Variants in CCDC171 observed in about 807,000 individuals in gnomAD.
CCDC171 encodes coiled-coil domain containing 171, also known as coiled-coil domain-containing protein 171.
CCDC171 carries 177 observed loss-of-function variants against 168.2 expected under a neutral mutation model. That is an observed-to-expected ratio of 1.05 (90% CI 0.93 to 1.19). CCDC171 has a LOEUF of 1.19. CCDC171 is among the 50% of genes most tolerant of loss of function. The pLI, the probability that CCDC171 is intolerant of heterozygous loss-of-function variation, is 0.00. For missense variants in CCDC171, 1,991 were observed against 1,539.0 expected (o/e 1.29, Z -4.91); for synonymous variants, 687 against 540.8 (o/e 1.27, Z -3.75).
intron 1 of CCDC171, among the ~76,000 whole-genome samples, chr9:16,047,903 G>A (rs1833686572): frequency 6.6e-6 from 1 of 152,182 alleles, no homozygotes; most frequent in Admixed American, 6.5e-5. Context: ...GGACACTCAT[G>A]GAAGAGCTCT....
At chr9:15,693,363 C>A (rs1422444662) in intron 10 of CCDC171, among the ~76,000 whole-genome samples, 2 of 152,040 alleles carry the variant, frequency 1.3e-5, no homozygotes, top group African/African-American at 2.4e-5. Context: ...GTGGATGAAT[C>A]CTAATTGATT....
At chr9:16,012,409 G>A (rs1289233666) in intron 3 of CCDC171, among the ~76,000 whole-genome samples, 1 of 152,082 alleles carries the variant, frequency 6.6e-6, no homozygotes, top group Admixed American at 6.6e-5. Flanking sequence ...TTCTTTGGTT[G>A]GTCAGAGGTT....
intron 9 of CCDC171, among the ~76,000 whole-genome samples, chr9:15,667,916 C>A (rs924607342): frequency 3.9e-5 from 6 of 152,056 alleles, no homozygotes; most frequent in Admixed American, 1.3e-4. Flanking sequence ...ACTTATTTAT[C>A]CTTTATGTTC....
intron 25 of CCDC171, among the ~76,000 whole-genome samples, chr9:15,963,861 A>G (rs1215807545): frequency 1.3e-5 from 2 of 152,180 alleles, no homozygotes; most frequent in African/African-American, 4.8e-5. Context: ...AACAAGCTAC[A>G]TTTCTCAGAC....
At chr9:15,605,535 A>AT (rs2043160654) in intron 6 of CCDC171, among the ~76,000 whole-genome samples, 1 of 150,538 alleles carries the variant, frequency 6.6e-6, no homozygotes, top group African/African-American at 2.4e-5. Context: ...AAAAAAAAAA[A>AT]AATTAGCCGG....
intron 25 of CCDC171, among the ~76,000 whole-genome samples, chr9:15,965,226 A>G (rs1414904622): frequency 6.6e-5 from 10 of 152,220 alleles, no homozygotes; most frequent in Non-Finnish European, 1.2e-4. Flanking sequence ...CAAATGTTAG[A>G]CCACAATAAA....
chr9:16,097,570 C>T, the CCDC171 span, among the ~76,000 whole-genome samples: 1 of 152,188 alleles, frequency 6.6e-6, no homozygotes, highest in Admixed American at 6.5e-5. Context: ...GAGCTGAACA[C>T]AACCTTTTGG....
At chr9:15,748,601 C>A (rs1027456668) in intron 18 of CCDC171, among the ~76,000 whole-genome samples, 5 of 152,166 alleles carry the variant, frequency 3.3e-5, no homozygotes, top group Non-Finnish European at 5.9e-5. Flanking sequence ...CAAAGGGAAG[C>A]CCATCAGACT....
chr9:16,044,464 T>C (rs1833622552), intron 1 of CCDC171, among the ~76,000 whole-genome samples: 1 of 149,018 alleles, frequency 6.7e-6, no homozygotes, highest in Non-Finnish European at 1.5e-5. Context: ...AAGTGGACTT[T>C]GGTGAAAAAC....
chr9:15,947,616 G>A (rs1466104343), intron 25 of CCDC171, among the ~76,000 whole-genome samples: 1 of 151,830 alleles, frequency 6.6e-6, no homozygotes, highest in Non-Finnish European at 1.5e-5. Flanking sequence ...TCCATTGATG[G>A]ACATGGGTTA....
chr9:15,794,852 T>C (rs370690899), intron 21 of CCDC171, among the ~76,000 whole-genome samples: 1 of 152,364 alleles, frequency 6.6e-6, no homozygotes, highest in East Asian at 1.9e-4. Flanking sequence ...AATATATTGC[T>C]GCACCCAGTT....
At chr9:15,903,616 G>A (rs1406241633) in intron 24 of CCDC171, among the ~76,000 whole-genome samples, 1 of 152,200 alleles carries the variant, frequency 6.6e-6, no homozygotes, top group Admixed American at 6.5e-5. Flanking sequence ...AAAAATCAGA[G>A]TGCCTCTCCT....
intron 7 of CCDC171, among the ~76,000 whole-genome samples, chr9:15,650,393 T>A (rs1025455731): frequency 6.6e-6 from 1 of 151,978 alleles, no homozygotes; most frequent in South Asian, 2.1e-4. Context: ...GAACTTAAAG[T>A]ATAATAAAAA....
intron 12 of CCDC171, among the ~76,000 whole-genome samples, chr9:15,722,715 C>A (rs182648789): frequency 6.6e-6 from 1 of 152,168 alleles, no homozygotes; most frequent in Non-Finnish European, 1.5e-5. Context: ...ATTTCATATG[C>A]GGCTTATTTT....
At chr9:15,713,626 G>A (rs1274961660) in intron 11 of CCDC171, among the ~76,000 whole-genome samples, 1 of 152,066 alleles carries the variant, frequency 6.6e-6, no homozygotes, top group Non-Finnish European at 1.5e-5. Flanking sequence ...CAAGTCCAAA[G>A]CCCATTTTCA....
At chr9:15,825,620 A>G (rs886963340) in intron 21 of CCDC171, among the ~76,000 whole-genome samples, 2 of 152,146 alleles carry the variant, frequency 1.3e-5, no homozygotes, top group African/African-American at 4.8e-5. Flanking sequence ...AGGATTGCCC[A>G]ACTTCATTAC....
rs543931226 is a variant in CCDC171 at position 16,057,586 on chromosome 9, G to C, written n.90-3060G>C. On this transcript the variant is annotated intron_variant and non_coding_transcript_variant, in intron 1 of 1. Transcript: ENST00000478913. ...TTATCTGGTAGGATCTGCACCTTTA[G>C]GCTTTCCATGGGAATGCCAAGTCCA... Among the ~76,000 whole-genome samples, 26 of 152,262 alleles carry C rather than the reference G, an allele frequency of 1.7e-4. No homozygotes were observed. In the South Asian group the frequency reaches 5.2e-3, roughly 30 times the overall value.
intron 24 of CCDC171, among the ~76,000 whole-genome samples, chr9:15,894,484 A>C (rs938586770): frequency 6.6e-6 from 1 of 152,070 alleles, no homozygotes; most frequent in Non-Finnish European, 1.5e-5. Flanking sequence ...CTTCTTATAC[A>C]GCTAAATGGC....
intron 21 of CCDC171, among the ~76,000 whole-genome samples, chr9:15,810,358 C>T (rs1433687554): frequency 6.6e-6 from 1 of 152,208 alleles, no homozygotes; most frequent in African/African-American, 2.4e-5. Context: ...ATGCCAGGGC[C>T]ACGGGCAGAG....
Sources: gnomAD v4.1 joint callset for allele counts (sites outside exome capture counted in the v4.1 genomes callset) on GRCh38, gnomAD v4.1.1 for gene constraint, MANE v1.5 for transcripts, NCBI Gene and HGNC (gene_info 2026-07-23, HGNC 2026-07-21) for gene names.